Variants in NUP98 observed in about 807,000 individuals in gnomAD.
The protein encoded by NUP98 is nuclear pore complex protein Nup98-Nup96.
A neutral mutation model predicts 191.9 loss-of-function variants in NUP98; 26 were observed. The ratio of observed to expected loss-of-function variants is 0.14; its 90% CI spans 0.10 to 0.19. The LOEUF (loss-of-function observed/expected upper bound fraction) is 0.19. NUP98 is among the 10% of genes least tolerant of loss of function. The pLI is 1.00. For missense variants in NUP98, 1,941 were observed against 2,178.8 expected (o/e 0.89, Z 2.17); for synonymous variants, 808 against 778.4 (o/e 1.04, Z -0.63).
At chr11:3,710,034 C>A (rs1564829674) in intron 20 of NUP98, among the ~76,000 whole-genome samples, 2 of 148,896 alleles carry the variant, frequency 1.3e-5, no homozygotes, top group Non-Finnish European at 3.0e-5. Flanking sequence ...AAAACCTACA[C>A]GTATCTCTAC....
intron 12 of NUP98, among the ~76,000 whole-genome samples, chr11:3,740,903 C>T (rs1407167541): frequency 1.3e-5 from 2 of 151,458 alleles, no homozygotes; most frequent in African/African-American, 4.9e-5. Context: ...GGTGCAACTT[C>T]CGCCTCCCAG....
intron 7 of NUP98, among the ~76,000 whole-genome samples, chr11:3,770,143 G>A (rs1186041692): frequency 1.3e-5 from 2 of 151,172 alleles, no homozygotes; most frequent in Non-Finnish European, 2.9e-5. Context: ...TCAGGGGTTC[G>A]AGACCAGCCT....
chr11:3,680,702 G>C (rs1414808002), intron 30 of NUP98, among the ~76,000 whole-genome samples: 1 of 151,668 alleles, frequency 6.6e-6, no homozygotes, highest in Non-Finnish European at 1.5e-5. Flanking sequence ...TGTGCCACCA[G>C]GCCCGACTAA....
chr11:3,690,319 G>C (rs1285575293), intron 28 of NUP98, among the ~76,000 whole-genome samples: 1 of 150,510 alleles, frequency 6.6e-6, no homozygotes, highest in Non-Finnish European at 1.5e-5. Flanking sequence ...GAGTGCAGTG[G>C]CATGATCTCT....
chr11:3,761,781 C>CA (rs558261793), intron 9 of NUP98, among the ~76,000 whole-genome samples: 69 of 146,186 alleles, frequency 4.7e-4, no homozygotes, highest in African/African-American at 1.8e-3. Flanking sequence ...CAAAACAAAA[C>CA]AAAAAACAAA....
intron 12 of NUP98, among the ~76,000 whole-genome samples, chr11:3,743,628 C>CA (rs2080371788): frequency 9.6e-6 from 1 of 104,146 alleles, no homozygotes; most frequent in African/African-American, 3.9e-5. Context: ...GCCTGGGCAA[C>CA]AGAGTGAAAC....
chr11:3,744,563 C>G lies in NUP98; in HGVS notation c.1354G>C (p.Gly452Arg). 5.0e-6 allele frequency: 8 copies of G among 1,613,832 alleles called. No homozygotes were observed. The highest frequency in any genetic ancestry group is 6.8e-6 in the Non-Finnish European group (8 of 1,179,864). Residue 452 changes from glycine to arginine, a missense_variant, in exon 12 of 33, where the codon GGA (glycine) becomes CGA (arginine). Coordinates refer to ENST00000324932, the MANE Select transcript of NUP98 (RefSeq NM_016320.5). ...PLGTGAFGAP[G>R]FNTTTATLGF... The stretch of plus-strand genomic sequence containing the variant: ...AAAGTGGCTGTCGTAGTATTAAATC[C>G]AGGGGCCCCAAAGGCTCCTGTACCA...
intron 27 of NUP98, among the ~76,000 whole-genome samples, chr11:3,692,317 C>T (rs1454362356): frequency 2.8e-5 from 4 of 141,770 alleles, no homozygotes; most frequent in Non-Finnish European, 6.1e-5. Flanking sequence ...GACCTGATCT[C>T]GATTGAAAAA....
chr11:3,792,198 A>AC (rs1564940164), intron 1 of NUP98, among the ~76,000 whole-genome samples: 4 of 148,250 alleles, frequency 2.7e-5, no homozygotes, highest in East Asian at 2.2e-4. Flanking sequence ...AAAAAAAAAA[A>AC]AAAAAAAAAA....
chr11:3,743,367 C>T (rs1483232228), intron 12 of NUP98, among the ~76,000 whole-genome samples: 1 of 149,918 alleles, frequency 6.7e-6, no homozygotes, highest in Non-Finnish European at 1.5e-5. Context: ...TTAATTTCGG[C>T]CTGGCGTGGT....
rs1554894745 is a variant in NUP98 at position 3,738,107 on chromosome 11, A to AAACAAAAAAAAACC, written c.1409-2784_1409-2783insGGTTTTTTTTTGTT. On this transcript the variant is annotated intron_variant, in intron 12 of 32. Transcript: ENST00000324932. ...GTTCTCAAAAAAAAAAAAAAAAAAA[A>AAACAAAAAAAAACC]CCAAAGACTTCCTTTCACAAATCCA... Among the ~76,000 whole-genome samples the AAACAAAAAAAAACC allele has an allele frequency of 5.9e-3, 877 of 147,574 alleles. 7 individuals carry two copies. The highest frequency in any genetic ancestry group is 0.015 in the Middle Eastern group (4 of 266).
chr11:3,785,093 GT>G (rs2082098709), intron 1 of NUP98, among the ~76,000 whole-genome samples: 1 of 151,824 alleles, frequency 6.6e-6, no homozygotes, highest in African/African-American at 2.4e-5. Context: ...AGCTGAGATC[GT>G]GCCACTGCAC....
chr11:3,721,822 G>A (rs1279760640), intron 16 of NUP98, among the ~76,000 whole-genome samples: 1 of 152,152 alleles, frequency 6.6e-6, no homozygotes, highest in Non-Finnish European at 1.5e-5. Flanking sequence ...GAACGCTGGT[G>A]TGCTTGCTTG....
intron 10 of NUP98, among the ~76,000 whole-genome samples, chr11:3,755,283 C>A (rs1480075421): frequency 6.8e-6 from 1 of 147,648 alleles, no homozygotes; most frequent in East Asian, 2.0e-4. Context: ...TGTGAAACCT[C>A]TTCTCTACTA....
intron 28 of NUP98, 45 bp downstream of exon 28, chr11:3,691,302 G>A (rs772256099): frequency 6.2e-7 from 1 of 1,612,030 alleles, no homozygotes; most frequent in South Asian, 1.1e-5. Context: ...CTCCCCTGGG[G>A]CTCATGGAGC....
chr11:3,777,604 GAT>G (rs2081782561), intron 4 of NUP98, among the ~76,000 whole-genome samples: 1 of 111,988 alleles, frequency 8.9e-6, no homozygotes, highest in Admixed American at 1.3e-4. Flanking sequence ...CCGGGTAACA[GAT>G]CAAGACTCCG....
At chr11:3,729,164 C>T (rs276904) in intron 14 of NUP98, among the ~76,000 whole-genome samples, 78,593 of 151,804 alleles carry the variant, frequency 0.52, 20,764 homozygotes, top group African/African-American at 0.61. Context: ...CATCAGACTA[C>T]AGATGATATT....
intron 1 of NUP98, among the ~76,000 whole-genome samples, chr11:3,787,995 AAAAT>A: frequency 6.6e-6 from 1 of 152,082 alleles, no homozygotes; most frequent in Admixed American, 6.6e-5. Flanking sequence ...CATCTCAAAA[AAAAT>A]AAAACACTTT....
rs765686945 is a variant in NUP98 at position 3,731,428 on chromosome 11, C to T, written c.1693G>A (p.Asp565Asn). ...GCTCCATTGGCTAGGGATGGTTCAT[C>T]GTCATCCAGCCCATCAAAGAGATGT... Reference protein sequence around the residue: ...KSHLFDGLDDDEPSLANGAFM... With the variant: ...KSHLFDGLDDNEPSLANGAFM... The change falls in exon 14 of 33, where the codon GAT becomes AAT. Residue 565 changes from aspartate to asparagine, a missense_variant. Around this residue, in one of 6 missense-constraint regions of NUP98, gnomAD observed 453 missense variants for 438.2 expected, o/e 1.03. Transcript: ENST00000324932. The T allele has an allele frequency of 7.5e-6, 12 of 1,605,230 alleles. No homozygotes were observed. In the African/African-American group the frequency reaches 1.1e-4, roughly 14 times the overall value.
Sources: allele counts gnomAD v4.1 joint callset (sites outside exome capture counted in the v4.1 genomes callset), GRCh38; gene constraint gnomAD v4.1.1; regional missense constraint gnomAD v4.1.1; transcripts MANE v1.5; gene names NCBI Gene and HGNC (gene_info 2026-07-23, HGNC 2026-07-21).